AP1G1: variants seen among roughly 807,000 people sequenced by gnomAD.
AP1G1 encodes adaptor related protein complex 1 subunit gamma 1, also known as AP-1 complex subunit gamma-1.
AP1G1 carries 7 observed loss-of-function variants against 108.3 expected under a neutral mutation model. The observed-to-expected ratio is 0.06, with a 90% CI of 0.04 to 0.12. The LOEUF (loss-of-function observed/expected upper bound fraction) is 0.12, where lower values mean the gene tolerates loss of function less well. AP1G1 is among the 10% of genes least tolerant of loss of function. The pLI is 1.00. For synonymous variants in AP1G1, 379 were observed against 353.5 expected, an observed-to-expected ratio of 1.07 and a Z score of -0.81; for missense variants, 756 against 1,010.7, an observed-to-expected ratio of 0.75 and a Z score of 3.42.
intron 10 of AP1G1, among the ~76,000 whole-genome samples, chr16:71,759,403 G>A (rs2030967146): frequency 6.6e-6 from 1 of 152,182 alleles, no homozygotes; most frequent in African/African-American, 2.4e-5. Context: ...TGCGGTTGCA[G>A]TGGGCTGAGA....
chr16:71,755,264 A>G (rs2030718177), intron 12 of AP1G1, among the ~76,000 whole-genome samples: 3 of 152,106 alleles, frequency 2.0e-5, no homozygotes, highest in Admixed American at 2.0e-4. Flanking sequence ...CATCTCTACA[A>G]AAAGAAAAAA....
At chr16:71,770,213 G>A (rs998595582) in intron 5 of AP1G1, among the ~76,000 whole-genome samples, 4 of 152,112 alleles carry the variant, frequency 2.6e-5, no homozygotes, top group African/African-American at 4.8e-5. Flanking sequence ...TAATAAATAC[G>A]TGCTCCAAAT....
In AP1G1 at chr16:71,768,976, T is replaced by TAA. The variant is rs1567652782; in HGVS notation, c.642+646_642+647insTT. On this transcript the variant is annotated intron_variant, in intron 6 of 22. Coordinates refer to ENST00000299980, the MANE Select transcript of AP1G1 (RefSeq NM_001128.6). The stretch of plus-strand genomic sequence containing the variant: ...GAAATTCCTGCCTTTAAAAAAAAAA[T>TAA]ACAAAAAAAAAAAAAAAAAAAACAG... Among the ~76,000 whole-genome samples the TAA allele has an allele frequency of 2.3e-3, 74 of 32,236 alleles. 3 individuals are homozygous for TAA. The highest frequency in any genetic ancestry group is 6.6e-3 in the East Asian group (6 of 914). 21.1% of individuals were successfully genotyped at this position (32,236 alleles called of 152,430 possible).
intron 9 of AP1G1, among the ~76,000 whole-genome samples, chr16:71,763,370 A>AT (rs2031183538): frequency 6.6e-6 from 1 of 152,214 alleles, no homozygotes; most frequent in Non-Finnish European, 1.5e-5. Context: ...TAGTTACAGC[A>AT]TGGAGAGTTA....
At chr16:71,773,003 T>A (rs1239300699) in intron 4 of AP1G1, 3 of 639,126 alleles carry the variant, frequency 4.7e-6, no homozygotes, top group African/African-American at 3.6e-5. Flanking sequence ...AGGAATTTGG[T>A]ATGCCACCTA....
At chr16:71,788,825 CT>C (rs67092359) in intron 2 of AP1G1, among the ~76,000 whole-genome samples, 118,341 of 145,598 alleles carry the variant, frequency 0.81, 48,339 homozygotes, top group East Asian at 0.99. Flanking sequence ...CCACACCATG[CT>C]TTTTTTTTTT....
At chr16:71,798,451 G>T (rs187780743) in intron 1 of AP1G1, among the ~76,000 whole-genome samples, 3 of 151,850 alleles carry the variant, frequency 2.0e-5, no homozygotes, top group African/African-American at 7.3e-5. Flanking sequence ...CGCCAGCCTC[G>T]GCCTCCCAAA....
chr16:71,733,980 G>A (rs1293722616), intron 22 of AP1G1, among the ~76,000 whole-genome samples: 1 of 152,168 alleles, frequency 6.6e-6, no homozygotes, highest in Admixed American at 6.5e-5. Context: ...AAAGGAGTTT[G>A]TGCTTGTACT....
intron 2 of AP1G1, among the ~76,000 whole-genome samples, chr16:71,778,548 C>T (rs1489221314): frequency 1.3e-5 from 2 of 151,746 alleles, no homozygotes; most frequent in Non-Finnish European, 2.9e-5. Context: ...CCAGGCGTAG[C>T]GGCGTGAGCC....
chr16:71,786,126 GCA>G (rs1346444691), intron 2 of AP1G1, among the ~76,000 whole-genome samples: 26 of 152,190 alleles, frequency 1.7e-4, no homozygotes, highest in Admixed American at 3.9e-4. Context: ...TAAAATTTTA[GCA>G]CAGTTTTCTC....
At chr16:71,733,970 A>G (rs2045502206) in intron 22 of AP1G1, among the ~76,000 whole-genome samples, 1 of 152,232 alleles carries the variant, frequency 6.6e-6, no homozygotes, top group Non-Finnish European at 1.5e-5. Context: ...TCAGATGGTC[A>G]AAGGAGTTTG....
intron 1 of AP1G1, among the ~76,000 whole-genome samples, chr16:71,806,289 T>G (rs1053552358): frequency 1.3e-5 from 2 of 152,182 alleles, no homozygotes; most frequent in Non-Finnish European, 2.9e-5. Context: ...AAAGCAGACA[T>G]TCAAATATGC....
At chr16:71,790,944 G>T (rs1567661831) in intron 1 of AP1G1, among the ~76,000 whole-genome samples, 1 of 152,122 alleles carries the variant, frequency 6.6e-6, no homozygotes, top group Non-Finnish European at 1.5e-5. Context: ...ACACCAGCTG[G>T]GCACAGTGGC....
chr16:71,743,210 A>G (rs1370325355), intron 19 of AP1G1: 1 of 152,182 alleles, frequency 6.6e-6, no homozygotes, highest in Non-Finnish European at 1.5e-5. Flanking sequence ...GACCATTTGT[A>G]AATGATTCAT....
At chr16:71,772,916 T>C (rs2031631928) in intron 4 of AP1G1, 1 of 407,264 alleles carries the variant, frequency 2.5e-6, no homozygotes, top group Admixed American at 3.5e-5. Flanking sequence ...TGGGTATTAA[T>C]TATTAGGACA....
At chr16:71,752,978 T>C (rs894138837) in intron 13 of AP1G1, among the ~76,000 whole-genome samples, 1 of 152,194 alleles carries the variant, frequency 6.6e-6, no homozygotes, top group African/African-American at 2.4e-5. Context: ...ATTGAATATA[T>C]TAATATGCTG....
rs2030119239 is a variant in AP1G1, at chr16:71,745,379, C to T, written c.1872+94G>A. On this transcript the variant is annotated intron_variant, in intron 18 of 22. Coordinates refer to ENST00000299980, the MANE Select transcript of AP1G1 (RefSeq NM_001128.6). ...AATAAGGAAGGAAATCATCAACCAACCCAGGAACATTAAAGGGACTCAGCT... is the reference window on the plus strand; with the variant it reads ...AATAAGGAAGGAAATCATCAACCAATCCAGGAACATTAAAGGGACTCAGCT... 5 of 1,604,706 alleles carry T rather than the reference C, an allele frequency of 3.1e-6. No homozygotes were observed. The South Asian group carries it at 5.6e-5, about 18-fold the overall frequency.
intron 15 of AP1G1, 104 bp from the exon 16 acceptor site, chr16:71,748,482 C>T (rs1478828436): frequency 2.1e-5 from 27 of 1,315,284 alleles, no homozygotes; most frequent in African/African-American, 8.9e-5. Context: ...ACAATCCTAC[C>T]GTTACAAAAG....
At chr16:71,734,565 G>A in intron 22 of AP1G1, 44 bp downstream of exon 22, 2 of 1,448,910 alleles carry the variant, frequency 1.4e-6, no homozygotes, top group Non-Finnish European at 1.9e-6. Flanking sequence ...CGGGAAATAT[G>A]CTTACACTTC....
Sources: allele counts gnomAD v4.1 joint callset (sites outside exome capture counted in the v4.1 genomes callset), GRCh38; gene constraint gnomAD v4.1.1; transcripts MANE v1.5; gene names NCBI Gene and HGNC (gene_info 2026-07-23, HGNC 2026-07-21).